Variants in LRRC74A observed in about 807,000 individuals in gnomAD.
LRRC74A encodes leucine-rich repeat-containing protein 74A.
LRRC74A carries 44 observed loss-of-function variants against 57.9 expected under a neutral mutation model. The ratio of observed to expected loss-of-function variants is 0.76; its 90% confidence interval spans 0.60 to 0.98. LRRC74A has a LOEUF of 0.98. LRRC74A is among the 50% of genes least tolerant of loss of function. LRRC74A has a pLI of 0.00. For missense variants in LRRC74A, 572 were observed against 574.0 expected, an observed-to-expected ratio of 1.00 and a Z score of 0.04; for synonymous variants, 211 against 219.4, an observed-to-expected ratio of 0.96 and a Z score of 0.34.
At chr14:76,859,662 C>CT (rs1025552496) in intron 10 of LRRC74A, among the ~76,000 whole-genome samples, 21,682 of 80,776 alleles carry the variant, frequency 0.27, 1,910 homozygotes, top group Non-Finnish European at 0.31. Context: ...CTGAATTAGC[C>CT]TTTTTTTTTT....
intron 5 of LRRC74A, among the ~76,000 whole-genome samples, chr14:76,843,012 A>G (rs1007740925): frequency 6.6e-6 from 1 of 152,184 alleles, no homozygotes; most frequent in African/African-American, 2.4e-5. Flanking sequence ...TTAAAATTAT[A>G]AAGACACCAG....
intron 3 of LRRC74A, among the ~76,000 whole-genome samples, chr14:76,831,643 G>A (rs569555549): frequency 1.6e-4 from 25 of 152,228 alleles, no homozygotes; most frequent in African/African-American, 5.5e-4. Flanking sequence ...TTGCTGTTCA[G>A]GAAGCAAAGG....
chr14:76,839,337 G>A (rs1316886981), intron 5 of LRRC74A, among the ~76,000 whole-genome samples: 3 of 152,184 alleles, frequency 2.0e-5, no homozygotes, highest in Non-Finnish European at 4.4e-5. Context: ...TCCCCAGAAG[G>A]GAAATAACAA....
intron 3 of LRRC74A, among the ~76,000 whole-genome samples, chr14:76,833,126 A>C (rs750197423): frequency 3.3e-5 from 5 of 152,242 alleles, no homozygotes; most frequent in Non-Finnish European, 7.3e-5. Flanking sequence ...ACTGAAAGAC[A>C]GGAGAAGCTA....
chr14:76,826,793 C>T, intron 1 of LRRC74A, 59 bp downstream of exon 1: 2 of 1,185,984 alleles, frequency 1.7e-6, no homozygotes, highest in Non-Finnish European at 2.3e-6. Context: ...CAGTACAACA[C>T]CTAGTGATCA....
At chr14:76,856,875 ATGGT>A (rs1897930936) in intron 9 of LRRC74A, among the ~76,000 whole-genome samples, 1 of 149,110 alleles carries the variant, frequency 6.7e-6, no homozygotes, top group African/African-American at 2.5e-5. Flanking sequence ...GAATAGATAG[ATGGT>A]TGGGTGGATG....
At chr14:76,854,633 C>A (rs747317124) in intron 9 of LRRC74A, among the ~76,000 whole-genome samples, 2 of 152,010 alleles carry the variant, frequency 1.3e-5, no homozygotes, top group Non-Finnish European at 2.9e-5. Context: ...CTGGTTTTGC[C>A]CATCATTAAA....
intron 11 of LRRC74A, among the ~76,000 whole-genome samples, chr14:76,861,245 T>C (rs1478277176): frequency 6.6e-6 from 1 of 152,224 alleles, no homozygotes; most frequent in East Asian, 1.9e-4. Context: ...GTCAAATGCA[T>C]GAAGTGCTTA....
chr14:76,844,412 C>T lies in LRRC74A; in HGVS notation c.545-11C>T, dbSNP rs1555365896. On this transcript the variant is annotated splice_polypyrimidine_tract_variant and intron_variant, in intron 5 of 13. Coordinates refer to ENST00000689127, the MANE Select transcript of LRRC74A (RefSeq NM_001385106.1). ...TAGCAGTGCATCACTGACACACCAC[C>T]CTCACTACAGGAAATGACTTCAAGG... The T allele has an allele frequency of 1.6e-5, 26 of 1,611,792 alleles. No individual in the cohort carries two copies. The highest frequency in any genetic ancestry group is 5.0e-5 in the Admixed American group (3 of 59,742).
chr14:76,845,862 T>C (rs925227503), intron 7 of LRRC74A, among the ~76,000 whole-genome samples: 1 of 152,060 alleles, frequency 6.6e-6, no homozygotes, highest in Non-Finnish European at 1.5e-5. Context: ...CTACTAAAAA[T>C]ACAAAATTAG....
chr14:76,863,450 C>T (rs1297428252), intron 11 of LRRC74A, among the ~76,000 whole-genome samples: 1 of 152,194 alleles, frequency 6.6e-6, no homozygotes, highest in Non-Finnish European at 1.5e-5. Context: ...GTCCTTCCAC[C>T]TGGAACACTT....
At chr14:76,843,767 T>C (rs1896936310) in intron 5 of LRRC74A, among the ~76,000 whole-genome samples, 1 of 144,770 alleles carries the variant, frequency 6.9e-6, no homozygotes. Context: ...AGTGGCGTTG[T>C]GATCTCAGCT....
intron 12 of LRRC74A, among the ~76,000 whole-genome samples, chr14:76,866,978 G>A (rs1450729690): frequency 1.2e-5 from 1 of 86,950 alleles, no homozygotes; most frequent in East Asian, 3.4e-4. Context: ...GTGTGTGTTG[G>A]GGGGGTGGGG....
intron 5 of LRRC74A, 83 bp downstream of exon 5, chr14:76,838,054 T>C: frequency 2.2e-6 from 2 of 911,144 alleles, no homozygotes; most frequent in South Asian, 3.1e-5. Flanking sequence ...AATGTCTCAT[T>C]GAACCAGACC....
chr14:76,839,376 T>C lies in LRRC74A; in HGVS notation c.544+1405T>C, dbSNP rs182414480. On this transcript the variant is annotated intron_variant, in intron 5 of 13. Coordinates refer to ENST00000689127, the MANE Select transcript of LRRC74A (RefSeq NM_001385106.1). ...ATTTGTGAATCAAAATGGTTAAGCA[T>C]GTGGGTGTAGAAGTCACAGTGCTTG... Among the ~76,000 whole-genome samples, 474 of 152,334 alleles carry C rather than the reference T, an allele frequency of 3.1e-3. 4 individuals are homozygous for C. The highest frequency in any genetic ancestry group is 2.7e-3 in the Non-Finnish European group (182 of 68,032).
chr14:76,853,524 C>A, intron 9 of LRRC74A, 114 bp downstream of exon 9: 2 of 996,880 alleles, frequency 2.0e-6, no homozygotes, highest in African/African-American at 1.7e-5. Context: ...TTGGGAATAT[C>A]TGTACTTCAT....
intron 12 of LRRC74A, among the ~76,000 whole-genome samples, chr14:76,866,697 G>A (rs1898825720): frequency 6.6e-6 from 1 of 151,872 alleles, no homozygotes; most frequent in Non-Finnish European, 1.5e-5. Flanking sequence ...AACTTCACAG[G>A]ATGCAAAGGA....
intron 9 of LRRC74A, among the ~76,000 whole-genome samples, chr14:76,853,746 TTTTTG>T (rs999502196): frequency 6.6e-6 from 1 of 151,980 alleles, no homozygotes; most frequent in African/African-American, 2.4e-5. Context: ...CGGAGTGTGC[TTTTTG>T]TTTTGTTTTG....
At chr14:76,839,024 T>C (rs1305784083) in intron 5 of LRRC74A, among the ~76,000 whole-genome samples, 1 of 152,256 alleles carries the variant, frequency 6.6e-6, no homozygotes, top group Non-Finnish European at 1.5e-5. Context: ...TTTATCTAAT[T>C]CTCTTGAACT....
Sources: allele counts gnomAD v4.1 joint callset (sites outside exome capture counted in the v4.1 genomes callset), GRCh38; gene constraint gnomAD v4.1.1; transcripts MANE v1.5; gene names NCBI Gene and HGNC (gene_info 2026-07-23, HGNC 2026-07-21).